The following CCDC60 variants were observed in gnomAD, a reference collection of about 807,000 sequenced individuals.
The protein encoded by CCDC60 is coiled-coil domain-containing protein 60.
CCDC60 carries 54 observed loss-of-function variants against 63.5 expected under a neutral mutation model. The ratio of observed to expected loss-of-function variants is 0.85; its 90% CI spans 0.68 to 1.07. The LOEUF (loss-of-function observed/expected upper bound fraction) is 1.07. Among genes scored for constraint, CCDC60 ranks in the 50% least tolerant of loss-of-function variants. The pLI is 0.00. For synonymous variants in CCDC60, 206 were observed against 238.8 expected (o/e 0.86, Z 1.27); for missense variants, 651 against 684.3 (o/e 0.95, Z 0.54).
At chr12:119,409,915 A>C (rs1289349916) in intron 1 of CCDC60, among the ~76,000 whole-genome samples, 1 of 151,232 alleles carries the variant, frequency 6.6e-6, no homozygotes, top group Non-Finnish European at 1.5e-5. Context: ...AGTTAATTCA[A>C]CACTCCTTAC....
At chr12:119,402,192 T>G (rs1310472562) in intron 1 of CCDC60, 1 of 152,220 alleles carries the variant, frequency 6.6e-6, no homozygotes, top group Admixed American at 6.5e-5. Context: ...TTTGTGATTA[T>G]TCTCACCTTG....
intron 1 of CCDC60, among the ~76,000 whole-genome samples, chr12:119,413,318 G>A (rs1272842052): frequency 2.0e-5 from 3 of 152,158 alleles, no homozygotes; most frequent in Non-Finnish European, 4.4e-5. Context: ...CAGAGAAAGA[G>A]ATTAAAAGAA....
Position 119,456,043 on chromosome 12 carries a change from G to C in CCDC60, c.171-15951G>C, listed in dbSNP as rs1950737639. ...AGAAAGAAAGAAAGAAAGAAAGAAA[G>C]AAAGAAAGAAAGAAAGAAAGCAAGC... On this transcript the variant is annotated intron_variant, in intron 2 of 13. Transcript: ENST00000327554. The surrounding 1 kb of genome is among the most constrained non-coding windows in gnomAD (Gnocchi z 4.6). Among the ~76,000 whole-genome samples, 1 of 147,286 alleles carries C rather than the reference G, an allele frequency of 6.8e-6. No homozygotes were observed. The highest frequency in any genetic ancestry group is 2.5e-5 in the African/African-American group (1 of 39,548).
intron 6 of CCDC60, among the ~76,000 whole-genome samples, chr12:119,501,636 T>C (rs1486986393): frequency 6.6e-6 from 1 of 152,190 alleles, no homozygotes; most frequent in Non-Finnish European, 1.5e-5. Context: ...TTGGTTTTTA[T>C]GGCAGAAAGT....
intron 13 of CCDC60, among the ~76,000 whole-genome samples, chr12:119,536,988 T>C (rs1953022912): frequency 6.6e-6 from 1 of 152,348 alleles, no homozygotes; most frequent in African/African-American, 2.4e-5. Flanking sequence ...TTCTCCTGGA[T>C]AATATCCTGC....
rs538347081 is a variant in CCDC60 at position 119,364,006 on chromosome 12, T to C, written c.90+28740T>C. Among the ~76,000 whole-genome samples the C allele has an allele frequency of 1.0e-3, 155 of 152,262 alleles. 1 individual carries two copies. Among genetic ancestry groups the C allele is most frequent in the African/African-American group, 3.6e-3 (150 of 41,546 alleles). On this transcript the variant is annotated intron_variant, in intron 1 of 13. Coordinates refer to ENST00000327554, the MANE Select transcript of CCDC60 (RefSeq NM_178499.5). ...TTAGTTCTTCTTTTGCTTCCATGGC[T>C]CTCCAGTGCCTTCGAAAATACGATC...
At chr12:119,532,462 G>C (rs1194750859) in intron 13 of CCDC60, among the ~76,000 whole-genome samples, 1 of 148,084 alleles carries the variant, frequency 6.8e-6, no homozygotes, top group South Asian at 2.1e-4. Flanking sequence ...GGATACATGT[G>C]CGTAACGTGA....
intron 1 of CCDC60, among the ~76,000 whole-genome samples, chr12:119,342,887 G>A (rs2136144167): frequency 6.6e-6 from 1 of 152,334 alleles, no homozygotes; most frequent in East Asian, 1.9e-4. Context: ...GAGGCTTAAG[G>A]AAATTCTGGT....
chr12:119,360,175 C>A (rs982270755), intron 1 of CCDC60, among the ~76,000 whole-genome samples: 8 of 149,450 alleles, frequency 5.4e-5, no homozygotes, highest in East Asian at 2.0e-4. Flanking sequence ...GACCCCCCCC[C>A]ACCTCCCTCC....
chr12:119,470,331 G>T (rs141572193), intron 2 of CCDC60, among the ~76,000 whole-genome samples: 24 of 152,302 alleles, frequency 1.6e-4, no homozygotes, highest in Non-Finnish European at 2.1e-4. Context: ...TCCTTGGGGG[G>T]TAAATGTTTT....
At chr12:119,519,189 G>A (rs116843462) in intron 8 of CCDC60, among the ~76,000 whole-genome samples, 12,402 of 152,086 alleles carry the variant, frequency 0.082, 628 homozygotes, top group Middle Eastern at 0.11. Flanking sequence ...CGAACTGAGG[G>A]GCCTGCAGAA....
At chr12:119,509,641 TAGA>T (rs1349959067) in intron 7 of CCDC60, among the ~76,000 whole-genome samples, 6 of 133,702 alleles carry the variant, frequency 4.5e-5, no homozygotes, top group African/African-American at 1.1e-4. Flanking sequence ...TTTTTTTCTT[TAGA>T]ATGATGATGA....
At chr12:119,379,214 C>T (rs576126540) in intron 1 of CCDC60, among the ~76,000 whole-genome samples, 24 of 152,334 alleles carry the variant, frequency 1.6e-4, no homozygotes, top group Non-Finnish European at 2.8e-4. Context: ...ACATAATAAC[C>T]GTGTATAAAA....
At chr12:119,441,117 C>T (rs1417828160) in intron 2 of CCDC60, among the ~76,000 whole-genome samples, 11 of 152,114 alleles carry the variant, frequency 7.2e-5, no homozygotes, top group African/African-American at 2.4e-4. Context: ...CACCAGATAC[C>T]CCATATTCTG....
chr12:119,366,137 G>A (rs1955837782), intron 1 of CCDC60, among the ~76,000 whole-genome samples: 1 of 151,988 alleles, frequency 6.6e-6, no homozygotes. Context: ...CAACCACAGG[G>A]TAGATGGTTT....
At chr12:119,437,446 G>A (rs1409970505) in intron 2 of CCDC60, among the ~76,000 whole-genome samples, 1 of 152,102 alleles carries the variant, frequency 6.6e-6, no homozygotes, top group East Asian at 1.9e-4. Flanking sequence ...TAATTTCTTT[G>A]TCATCTCCAA....
chr12:119,382,056 C>T (rs1956013158), intron 1 of CCDC60, among the ~76,000 whole-genome samples: 1 of 152,164 alleles, frequency 6.6e-6, no homozygotes. Flanking sequence ...GGGGCAGGGG[C>T]AGAGCCAGGG....
intron 1 of CCDC60, among the ~76,000 whole-genome samples, chr12:119,371,806 C>T (rs1414874812): frequency 6.6e-6 from 1 of 152,162 alleles, no homozygotes; most frequent in East Asian, 1.9e-4. Flanking sequence ...CCAGGAATTC[C>T]CCTCCCTGGC....
chr12:119,496,087 T>A (rs1951709297), intron 5 of CCDC60, among the ~76,000 whole-genome samples: 1 of 152,076 alleles, frequency 6.6e-6, no homozygotes, highest in South Asian at 2.1e-4. Context: ...GAGGATCAGA[T>A]CATCACTCAG....
Sources: gnomAD v4.1 joint callset for allele counts (sites outside exome capture counted in the v4.1 genomes callset) on GRCh38, gnomAD v4.1.1 for gene constraint, Gnocchi (gnomAD v3.1) non-coding constraint, MANE v1.5 for transcripts, NCBI Gene and HGNC (gene_info 2026-07-23, HGNC 2026-07-21) for gene names.